Variants in CES5A observed in about 807,000 individuals in gnomAD.
CES5A encodes the protein carboxylesterase 5.
A neutral mutation model predicts 62.9 loss-of-function variants in CES5A; 67 were observed. The ratio of observed to expected loss-of-function variants is 1.07; its 90% confidence interval spans 0.88 to 1.31. The LOEUF (loss-of-function observed/expected upper bound fraction) is 1.31. CES5A is among the 50% of genes most tolerant of loss of function. The pLI, the probability that CES5A is intolerant of heterozygous loss-of-function variation, is 0.00. For missense variants in CES5A, 748 were observed against 708.5 expected (o/e 1.06, Z -0.63); for synonymous variants, 296 against 280.8 (o/e 1.05, Z -0.54).
At chr16:55,946,622 G>A (rs1487201008) in intron 2 of CES5A, among the ~76,000 whole-genome samples, 1 of 152,242 alleles carries the variant, frequency 6.6e-6, no homozygotes, top group African/African-American at 2.4e-5. Flanking sequence ...TTTTCTGGAA[G>A]AGTGTGTACC....
intron 1 of CES5A, among the ~76,000 whole-genome samples, chr16:55,915,554 T>C (rs117979932): frequency 6.6e-6 from 1 of 151,982 alleles, no homozygotes; most frequent in Non-Finnish European, 1.5e-5. Flanking sequence ...GCAGGTGGGG[T>C]TGGAGGGGAG....
At chr16:55,909,854 GGAT>G (rs1426707293) in intron 1 of CES5A, among the ~76,000 whole-genome samples, 1 of 152,148 alleles carries the variant, frequency 6.6e-6, no homozygotes, top group Admixed American at 6.5e-5. Flanking sequence ...TCAAAATGAG[GGAT>G]CTGGACCAGA....
intron 2 of CES5A, among the ~76,000 whole-genome samples, chr16:55,933,162 G>A (rs990959801): frequency 1.3e-5 from 2 of 152,160 alleles, no homozygotes; most frequent in Middle Eastern, 3.2e-3. Context: ...AAGGAGGCAC[G>A]TCATGGGTTC....
intron 1 of CES5A, among the ~76,000 whole-genome samples, chr16:55,952,275 ATTC>A (rs1162422456): frequency 2.0e-5 from 3 of 152,174 alleles, no homozygotes; most frequent in African/African-American, 7.2e-5. Context: ...TATATACCTA[ATTC>A]ATGAAAATTT....
At position 55,955,878 on chromosome 16, in the gene CES5A, A is replaced by G. The variant is rs73555841; in HGVS notation, c.8T>C (p.Val3Ala). 871 of 1,536,056 alleles carry G rather than the reference A, an allele frequency of 5.7e-4. 7 individuals are homozygous for G. The African/African-American group carries it at 0.011, about 19-fold the overall frequency. Residue 3 changes from valine (V) to alanine (A), a missense_variant, in exon 1 of 14, where the codon GTT becomes GCT. Physicochemically the swap from Val to Ala is moderately conservative, Grantham distance 64. Transcript: ENST00000521992. ...ATGGCATGAAGCAGGGCAAACCAGA[A>G]CAGCCATCAGACTTGCCCTTGGTCC... is the stretch of plus-strand genomic sequence containing the variant.
chr16:55,891,848 G>A (rs943700407), intron 1 of CES5A, among the ~76,000 whole-genome samples: 2 of 152,082 alleles, frequency 1.3e-5, no homozygotes, highest in Non-Finnish European at 2.9e-5. Context: ...TTTCTAATCT[G>A]ACTCTAGCGT....
At chr16:55,880,321 C>G (rs746378006), upstream of CES5A, among the ~76,000 whole-genome samples, 1 of 152,246 alleles carries the variant, frequency 6.6e-6, no homozygotes, top group South Asian at 2.1e-4. Flanking sequence ...CAGATGGAGT[C>G]CCCCAGGAGG....
rs371474675 is a variant in CES5A, at chr16:55,917,393, C to T, written c.-256+7930G>A. ...TCTGGGTGCTTCTAACTGAGGTTCT[C>T]TCATAAGATTATGGTCATGCTGTTG... On this transcript the variant is annotated intron_variant, in intron 1 of 12. Coordinates refer to the CES5A transcript ENST00000518005. 7.2e-5 allele frequency among the ~76,000 whole-genome samples: 11 copies of T among 152,360 alleles called. No homozygotes were observed. In the East Asian group the frequency reaches 1.7e-3, roughly 24 times the overall value.
At chr16:55,903,487 GA>G (rs1362831427) in intron 1 of CES5A, among the ~76,000 whole-genome samples, 13 of 152,212 alleles carry the variant, frequency 8.5e-5, no homozygotes, top group Non-Finnish European at 1.5e-4. Flanking sequence ...TTTGAGTGAG[GA>G]GACCTAGGCA....
chr16:55,872,495 A>T (rs1204013499), intron 2 of CES5A, among the ~76,000 whole-genome samples: 1 of 152,156 alleles, frequency 6.6e-6, no homozygotes. Flanking sequence ...GAGCAGCTAA[A>T]AGCCTAAGAC....
At chr16:55,884,034 C>T (rs778098420) in intron 1 of CES5A, among the ~76,000 whole-genome samples, 2 of 152,008 alleles carry the variant, frequency 1.3e-5, no homozygotes, top group African/African-American at 2.4e-5. Context: ...AAAATATTTG[C>T]TCAGTACACA....
chr16:55,879,898 C>G (rs1401734724), upstream of CES5A, among the ~76,000 whole-genome samples: 4 of 152,218 alleles, frequency 2.6e-5, no homozygotes, highest in Non-Finnish European at 5.9e-5. Flanking sequence ...GGCCACCACA[C>G]TTAGGTGACT....
chr16:55,869,733 C>G lies in CES5A; in HGVS notation c.429G>C (p.Trp143Cys). ...CAGTCTTGAAGGCACCTCCTGGGAA[C>G]CACACCAAGACCTGAGGAGGGGAGA... ...DTGSKLPVLVWFPGGAFKTGS... is the reference protein window; with the variant it reads ...DTGSKLPVLVCFPGGAFKTGS... The change falls in exon 4 of 13, where the codon TGG becomes TGC. Residue 143 changes from tryptophan (W) to cysteine (C), a missense_variant. Transcript: ENST00000290567. 1 of 1,603,658 alleles carries G rather than the reference C, an allele frequency of 6.2e-7. No homozygotes were observed. The highest frequency in any genetic ancestry group is 8.5e-7 in the Non-Finnish European group (1 of 1,173,854).
chr16:55,928,291 A>T (rs1289115610), upstream of CES5A, among the ~76,000 whole-genome samples: 2 of 152,108 alleles, frequency 1.3e-5, no homozygotes, highest in Non-Finnish European at 2.9e-5. Context: ...ACTGAAGGCC[A>T]TTATCCTATG....
chr16:55,901,530 T>C (rs1472204144), intron 1 of CES5A, among the ~76,000 whole-genome samples: 1 of 152,212 alleles, frequency 6.6e-6, no homozygotes, highest in Non-Finnish European at 1.5e-5. Flanking sequence ...ACCATACAGT[T>C]TGGGAAGCAA....
intron 8 of CES5A, 117 bp downstream of exon 8, chr16:55,859,430 G>A: frequency 1.0e-6 from 1 of 962,404 alleles, no homozygotes; most frequent in Non-Finnish European, 1.6e-6. Flanking sequence ...TGTGTGCTTG[G>A]CTGGTGGGCT....
chr16:55,893,203 A>G (rs191958288), intron 1 of CES5A, among the ~76,000 whole-genome samples: 2 of 152,316 alleles, frequency 1.3e-5, no homozygotes, highest in African/African-American at 4.8e-5. Context: ...TACACCTTTG[A>G]GACATTTGAA....
chr16:55,861,516 G>C lies in CES5A; in HGVS notation c.811C>G (p.Leu271Val), dbSNP rs772209184. 5.0e-6 allele frequency: 8 copies of C among 1,606,746 alleles called. No individual in the cohort carries two copies. In the South Asian group the frequency reaches 8.8e-5, roughly 18 times the overall value. The change falls in exon 7 of 13, where the codon CTG (leucine) becomes GTG (valine). Residue 271 changes from leucine to valine, a missense_variant and splice_region_variant. Leu to Val is a conservative substitution (Grantham distance 32). Transcript: ENST00000290567. ...EAHDYEKSED[L>V]QVVAHFCGNN... Reference sequence around the variant, plus strand: ...CCACAGAAATGTGCAACCACCTGCAGCTATTTTGTAGAGAAGGACCGGGTT... The same window carrying C: ...CCACAGAAATGTGCAACCACCTGCACCTATTTTGTAGAGAAGGACCGGGTT...
In CES5A at chr16:55,888,975, T is replaced by C. The variant is rs998706202; in HGVS notation, c.-255-14938A>G. Among the ~76,000 whole-genome samples, 8 of 152,114 alleles carry C rather than the reference T, an allele frequency of 5.3e-5. No homozygotes were observed. In the South Asian group the frequency reaches 8.3e-4, roughly 16 times the overall value. On this transcript the variant is annotated intron_variant, in intron 1 of 12. Coordinates refer to the CES5A transcript ENST00000518005. Reference sequence around the variant, plus strand: ...AACCTGAGAGAAGCACTTTAACAAATGTTACATTTAAAATTATAATGTGCT... The same window carrying C: ...AACCTGAGAGAAGCACTTTAACAAACGTTACATTTAAAATTATAATGTGCT...
Sources: allele counts gnomAD v4.1 joint callset (sites outside exome capture counted in the v4.1 genomes callset), GRCh38; gene constraint gnomAD v4.1.1; transcripts MANE v1.5; gene names NCBI Gene and HGNC (gene_info 2026-07-23, HGNC 2026-07-21).